RNF17: variants seen among roughly 807,000 people sequenced by gnomAD.
RNF17 encodes the protein ring finger protein 17, also known as spermatogenesis associated 23.
In RNF17, 31 loss-of-function variants were observed where a neutral mutation model predicts 200.5. The observed-to-expected ratio is 0.15, with a 90% confidence interval of 0.12 to 0.21. The LOEUF (loss-of-function observed/expected upper bound fraction) is 0.21. RNF17 is among the 10% of genes least tolerant of loss of function. The pLI is 1.00. For synonymous variants in RNF17, 606 were observed against 637.8 expected (o/e 0.95, Z 0.75); for missense variants, 1,628 against 1,905.1 (o/e 0.85, Z 2.71).
At chr13:24,885,246 G>A in the RNF17 span, 2 of 1,372,986 alleles carry the variant, frequency 1.5e-6, no homozygotes, top group South Asian at 1.2e-5. Context: ...ATTTTTTATA[G>A]AATTCATTAT....
At chr13:24,824,241 A>G in intron 15 of RNF17, 1 of 712,622 alleles carries the variant, frequency 1.4e-6, no homozygotes, top group Non-Finnish European at 2.6e-6. Flanking sequence ...TCATTTTTTC[A>G]ATGTTTCTGT....
Position 24,868,732 on chromosome 13 carries a change from GATTAGTTGGTGATTAAAAATGTA to G in RNF17, c.4278+18_4278+40del. The G allele has an allele frequency of 7.9e-7, 1 of 1,258,794 alleles. No individual in the cohort carries two copies. Among genetic ancestry groups the G allele is most frequent in the Non-Finnish European group, 1.2e-6 (1 of 858,434 alleles). The allele number at this position is 1,258,794 out of a possible 1,614,324, so 78.0% of individuals were successfully genotyped here. On this transcript the variant is annotated intron_variant, in intron 31 of 35. Transcript: ENST00000255324. ...ACCTAATGAAGTATGTGATCTAAAT[GATTAGTTGGTGATTAAAAATGTA>G]ACAAGCTGTCTTGGTCTTAAACACT...
At chr13:24,868,532 A>C in intron 30 of RNF17, 68 bp from the exon 31 acceptor site, 2 of 713,720 alleles carry the variant, frequency 2.8e-6, no homozygotes, top group East Asian at 3.1e-5. Flanking sequence ...TGGCACCATC[A>C]TGAATTTTTA....
At chr13:24,849,400 C>A (rs901382680) in intron 22 of RNF17, among the ~76,000 whole-genome samples, 34 of 152,168 alleles carry the variant, frequency 2.2e-4, no homozygotes, top group African/African-American at 6.8e-4. Context: ...GAATGCAACC[C>A]AACACAAATT....
At chr13:24,856,113 T>G (rs945565820) in intron 25 of RNF17, among the ~76,000 whole-genome samples, 6 of 152,112 alleles carry the variant, frequency 3.9e-5, no homozygotes, top group African/African-American at 1.4e-4. Context: ...TTTTTGGTTT[T>G]GTATCTCGTT....
intron 26 of RNF17, among the ~76,000 whole-genome samples, chr13:24,859,872 G>A (rs955901053): frequency 6.6e-6 from 1 of 151,814 alleles, no homozygotes; most frequent in Admixed American, 6.6e-5. Context: ...TTTATAGTTT[G>A]TTTACAGTTA....
chr13:24,756,065 A>AT, the RNF17 span, among the ~76,000 whole-genome samples: 8 of 152,174 alleles, frequency 5.3e-5, no homozygotes, highest in Non-Finnish European at 1.2e-4. Flanking sequence ...ATATTGAATT[A>AT]ATTACTGGCA....
intron 22 of RNF17, among the ~76,000 whole-genome samples, 186 bp downstream of exon 22, chr13:24,845,265 A>G (rs1891133215): frequency 6.6e-6 from 1 of 152,234 alleles, no homozygotes; most frequent in South Asian, 2.1e-4. Flanking sequence ...ATAGGTGAGT[A>G]TGAAAGTGCC....
chr13:24,753,888 G>T, the RNF17 span, among the ~76,000 whole-genome samples: 4 of 152,198 alleles, frequency 2.6e-5, no homozygotes, highest in Non-Finnish European at 4.4e-5. Flanking sequence ...CGGGCGTGGT[G>T]GCTCATGCCT....
At chr13:24,765,352 T>C (rs1402932250) in intron 1 of RNF17, among the ~76,000 whole-genome samples, 3 of 152,242 alleles carry the variant, frequency 2.0e-5, no homozygotes, top group African/African-American at 7.2e-5. Flanking sequence ...AATACCTTAG[T>C]GTGCTCTTAA....
At chr13:24,830,313 A>G (rs79293103) in intron 16 of RNF17, among the ~76,000 whole-genome samples, 171 bp from the exon 17 acceptor site, 2,981 of 152,262 alleles carry the variant, frequency 0.02, 94 homozygotes, top group African/African-American at 0.067. Context: ...AGTCTGCACT[A>G]TGGATGATTT....
downstream of RNF17, chr13:24,883,406 A>AAAT (rs1454805931): frequency 6.9e-7 from 1 of 1,451,714 alleles, no homozygotes; most frequent in Admixed American, 1.9e-5. Context: ...TCTTAAAAAA[A>AAAT]AAATAATAGA....
intron 5 of RNF17, among the ~76,000 whole-genome samples, 191 bp from the exon 6 acceptor site, chr13:24,781,652 AG>A (rs1469302649): frequency 4.6e-5 from 7 of 152,186 alleles, no homozygotes; most frequent in African/African-American, 1.7e-4. Flanking sequence ...ACAAACAAAA[AG>A]ATATGGTCTT....
Position 24,764,229 on chromosome 13 carries a change from G to A in RNF17, c.26G>A (p.Gly9Glu), listed in dbSNP as rs375993919. MAAEASKTGPSRSSYQRMG... is the reference protein window; with the variant it reads MAAEASKTEPSRSSYQRMG... Reference sequence around the variant, plus strand: ...ATGGCGGCAGAGGCTTCGAAGACTGGGCCTTCTAGGTCTTCCTACCAGCGA... The same window carrying A: ...ATGGCGGCAGAGGCTTCGAAGACTGAGCCTTCTAGGTCTTCCTACCAGCGA... The change falls in exon 1 of 36, where the codon GGG becomes GAG. Residue 9 changes from glycine (G) to glutamate (E), a missense_variant. Transcript: ENST00000255324. The A allele has an allele frequency of 1.2e-6, 2 of 1,604,232 alleles. No homozygotes were observed. Among genetic ancestry groups the A allele is most frequent in the South Asian group, 1.1e-5 (1 of 90,456 alleles).
intron 1 of RNF17, among the ~76,000 whole-genome samples, chr13:24,764,888 G>GGGGGTGTGTGTGT (rs899352115): frequency 1.5e-5 from 2 of 134,092 alleles, no homozygotes; most frequent in East Asian, 4.1e-4. Flanking sequence ...CACCTTGTGG[G>GGGGGTGTGTGTGT]GTGTGTGTGT....
the RNF17 span, among the ~76,000 whole-genome samples, chr13:24,888,361 A>AAC: frequency 3.3e-5 from 5 of 152,012 alleles, no homozygotes; most frequent in East Asian, 1.9e-4. Context: ...TATAAGGAGA[A>AAC]ACACACACAC....
In RNF17 at chr13:24,781,850, G is replaced by T; in HGVS notation, c.517G>T (p.Glu173Ter). 2 of 1,592,940 alleles carry T rather than the reference G, an allele frequency of 1.3e-6. No individual in the cohort carries two copies. The highest frequency in any genetic ancestry group is 1.1e-5 in the South Asian group (1 of 87,058). ...TTGTTTTTTTTTTTTCCAGGCACTT[G>T]AACACATGCAGAAGCAAACGATAGA... ...EQLSIAGKAL[E>*]HMQKQTIEER... Residue 173 changes from glutamate (E) to a stop codon, truncating the protein, a stop_gained, in exon 6 of 36, where the codon GAA becomes TAA. Coordinates refer to ENST00000255324, the MANE Select transcript of RNF17 (RefSeq NM_031277.3). LOFTEE classifies it high-confidence loss of function.
intron 10 of RNF17, among the ~76,000 whole-genome samples, chr13:24,794,682 A>T (rs574046658): frequency 1.1e-5 from 1 of 94,568 alleles, no homozygotes; most frequent in African/African-American, 3.6e-5. Context: ...CAAATAAATG[A>T]ATGAATGAGT....
At chr13:24,763,284 G>C (rs1878978998), upstream of RNF17, among the ~76,000 whole-genome samples, 1 of 149,120 alleles carries the variant, frequency 6.7e-6, no homozygotes, top group Non-Finnish European at 1.5e-5. Flanking sequence ...CTCACTGCAA[G>C]CTCCGCCTCC....
Sources: allele counts gnomAD v4.1 joint callset (sites outside exome capture counted in the v4.1 genomes callset), GRCh38; gene constraint gnomAD v4.1.1; transcripts MANE v1.5; gene names NCBI Gene and HGNC (gene_info 2026-07-23, HGNC 2026-07-21).